Variants in FSTL4 observed in about 807,000 individuals in gnomAD.
The protein encoded by FSTL4 is follistatin-related protein 4.
In FSTL4, 28 loss-of-function variants were observed where a neutral mutation model predicts 78.2. The observed-to-expected ratio is 0.36, with a 90% CI of 0.27 to 0.49. The LOEUF is 0.49. Among genes scored for constraint, FSTL4 ranks in the 20% least tolerant of loss-of-function variants. FSTL4 has a pLI of 0.98. For missense variants in FSTL4, 922 were observed against 1,084.9 expected, an observed-to-expected ratio of 0.85 and a Z score of 2.11; for synonymous variants, 422 against 440.5, an observed-to-expected ratio of 0.96 and a Z score of 0.53.
At chr5:133,203,843 C>T (rs914357511) in intron 14 of FSTL4, among the ~76,000 whole-genome samples, 3 of 152,220 alleles carry the variant, frequency 2.0e-5, no homozygotes, top group Non-Finnish European at 2.9e-5. Flanking sequence ...TCAGAGGTTA[C>T]TTCATCAAAA....
chr5:133,309,406 CAG>C (rs1237366277), intron 6 of FSTL4, among the ~76,000 whole-genome samples: 1 of 152,220 alleles, frequency 6.6e-6, no homozygotes, highest in African/African-American at 2.4e-5. Context: ...TGTCCCTGTA[CAG>C]AGAGAGGCAA....
the FSTL4 span, among the ~76,000 whole-genome samples, chr5:133,782,993 T>C: frequency 1.3e-5 from 2 of 152,340 alleles, no homozygotes; most frequent in South Asian, 2.1e-4. Flanking sequence ...GGCATTCCAA[T>C]GATTGCTTTG....
rs185057622 is a variant in FSTL4, at chr5:133,383,177, C to T, written c.409+17561G>A. On this transcript the variant is annotated intron_variant, in intron 4 of 15. Coordinates refer to ENST00000265342, the MANE Select transcript of FSTL4 (RefSeq NM_015082.2). ...CTCCCAGTCACAGCTCTTCCTGTGG[C>T]CCACATCCTGCACTTCCTCCTGGCC... is the stretch of plus-strand genomic sequence containing the variant. 3.3e-5 allele frequency among the ~76,000 whole-genome samples: 5 copies of T among 152,316 alleles called. No homozygotes were observed. In the East Asian group the frequency reaches 9.7e-4, roughly 29 times the overall value.
the FSTL4 span, among the ~76,000 whole-genome samples, chr5:133,627,620 C>T: frequency 6.6e-6 from 1 of 152,118 alleles, no homozygotes; most frequent in Non-Finnish European, 1.5e-5. Flanking sequence ...ATTCAACCTG[C>T]CTATAATGTT....
the FSTL4 span, among the ~76,000 whole-genome samples, chr5:133,741,095 C>T: frequency 1.3e-5 from 2 of 152,054 alleles, no homozygotes; most frequent in Non-Finnish European, 2.9e-5. Flanking sequence ...AATGGGTTGG[C>T]ATAACTAGAA....
chr5:133,435,033 T>A (rs2126998724), intron 3 of FSTL4, among the ~76,000 whole-genome samples: 1 of 152,312 alleles, frequency 6.6e-6, no homozygotes, highest in Admixed American at 6.5e-5. Context: ...TAACTCCAAC[T>A]ATTTTTCCCC....
intron 6 of FSTL4, among the ~76,000 whole-genome samples, chr5:133,276,565 C>T (rs1752889376): frequency 6.6e-6 from 1 of 152,214 alleles, no homozygotes; most frequent in African/African-American, 2.4e-5. Flanking sequence ...GACTGTGTCC[C>T]AAGCTGGCCC....
chr5:133,666,579 T>TAA, the FSTL4 span, among the ~76,000 whole-genome samples: 87 of 140,992 alleles, frequency 6.2e-4, no homozygotes, highest in South Asian at 5.2e-3. Context: ...GTTCTCTGTT[T>TAA]AAAAAAAAAA....
At chr5:133,478,504 A>C (rs1437728821) in intron 3 of FSTL4, among the ~76,000 whole-genome samples, 1 of 152,208 alleles carries the variant, frequency 6.6e-6, no homozygotes, top group Non-Finnish European at 1.5e-5. Context: ...GTTAGAATGC[A>C]TTCCCCATAT....
intron 3 of FSTL4, among the ~76,000 whole-genome samples, chr5:133,429,869 C>T (rs1217477849): frequency 1.3e-5 from 2 of 152,188 alleles, no homozygotes; most frequent in African/African-American, 2.4e-5. Flanking sequence ...AGGATAAAGT[C>T]CCTTCTCTCC....
chr5:133,421,993 G>A (rs13185107), intron 3 of FSTL4, among the ~76,000 whole-genome samples: 50,246 of 152,046 alleles, frequency 0.33, 8,842 homozygotes, highest in Middle Eastern at 0.46. Context: ...AGGTGGTCAG[G>A]GAGGGCTTCT....
chr5:133,786,097 C>T, the FSTL4 span, among the ~76,000 whole-genome samples: 3 of 152,158 alleles, frequency 2.0e-5, no homozygotes, highest in Admixed American at 6.5e-5. Flanking sequence ...CTTACCTGAC[C>T]CCTGTACTCC....
At chr5:133,613,382 G>A (rs62373465), upstream of FSTL4, among the ~76,000 whole-genome samples, 25,271 of 152,228 alleles carry the variant, frequency 0.17, 2,735 homozygotes, top group East Asian at 0.26. Flanking sequence ...CTCTGGCTGC[G>A]TGGGCACCAG....
chr5:133,839,864 T>C, the FSTL4 span, among the ~76,000 whole-genome samples: 3 of 152,324 alleles, frequency 2.0e-5, no homozygotes, highest in Admixed American at 1.3e-4. Flanking sequence ...AGGCTTTTGT[T>C]TACTGTCTGC....
the FSTL4 span, among the ~76,000 whole-genome samples, chr5:133,787,809 C>T: frequency 6.6e-6 from 1 of 152,136 alleles, no homozygotes; most frequent in African/African-American, 2.4e-5. Context: ...CCTGTCCTCC[C>T]CAGACCCTGC....
intron 3 of FSTL4, among the ~76,000 whole-genome samples, chr5:133,531,096 G>T (rs823990): frequency 0.38 from 57,598 of 151,982 alleles, 11,080 homozygotes; most frequent in East Asian, 0.42. Flanking sequence ...GAAAAGGATG[G>T]GCTCAGACAC....
the FSTL4 span, among the ~76,000 whole-genome samples, chr5:133,775,810 A>G: frequency 6.6e-6 from 1 of 152,166 alleles, no homozygotes; most frequent in Non-Finnish European, 1.5e-5. Flanking sequence ...AGTGTGATGA[A>G]ATGAGTCAGA....
At chr5:133,706,549 A>G in the FSTL4 span, among the ~76,000 whole-genome samples, 29 of 152,364 alleles carry the variant, frequency 1.9e-4, no homozygotes, top group African/African-American at 6.3e-4. Flanking sequence ...TTCAGTCATC[A>G]TGGTGAATGC....
chr5:133,756,707 A>G, the FSTL4 span, among the ~76,000 whole-genome samples: 1 of 151,874 alleles, frequency 6.6e-6, no homozygotes, highest in South Asian at 2.1e-4. Flanking sequence ...TAGAGTTGTG[A>G]TTTGTCATTG....
Sources: allele counts gnomAD v4.1 joint callset (sites outside exome capture counted in the v4.1 genomes callset), GRCh38; gene constraint gnomAD v4.1.1; transcripts MANE v1.5; gene names NCBI Gene and HGNC (gene_info 2026-07-23, HGNC 2026-07-21).